Variants in UFSP2 observed in about 807,000 individuals in gnomAD.
The protein encoded by UFSP2 is ufm1-specific protease 2.
In UFSP2, 43 loss-of-function variants were observed where a neutral mutation model predicts 60.2. The observed-to-expected ratio is 0.71, with a 90% CI of 0.56 to 0.92. UFSP2 has a LOEUF of 0.92. Among genes scored for constraint, UFSP2 ranks in the 40% least tolerant of loss-of-function variants. The pLI is 0.00. For synonymous variants in UFSP2, 183 were observed against 195.1 expected (o/e 0.94, Z 0.52); for missense variants, 520 against 575.0 (o/e 0.90, Z 0.98).
At chr4:185,412,973 A>G (rs1423042608) in intron 7 of UFSP2, among the ~76,000 whole-genome samples, 1 of 152,138 alleles carries the variant, frequency 6.6e-6, no homozygotes, top group Non-Finnish European at 1.5e-5. Context: ...GCAACCGGGT[A>G]TATGTTACAT....
intron 11 of UFSP2, among the ~76,000 whole-genome samples, chr4:185,402,909 C>T (rs1276020118): frequency 6.6e-6 from 1 of 152,176 alleles, no homozygotes; most frequent in Non-Finnish European, 1.5e-5. Flanking sequence ...TTATGTTTTA[C>T]AATACTTTCT....
At chr4:185,410,175 A>G (rs533497720) in intron 7 of UFSP2, among the ~76,000 whole-genome samples, 20 of 152,340 alleles carry the variant, frequency 1.3e-4, no homozygotes, top group African/African-American at 4.8e-4. Context: ...AAAAAGAAAA[A>G]TAAATTCTGA....
intron 1 of UFSP2, among the ~76,000 whole-genome samples, chr4:185,424,121 G>A (rs2095554585): frequency 7.0e-6 from 1 of 142,638 alleles, no homozygotes; most frequent in African/African-American, 2.6e-5. Flanking sequence ...GGGCAACATA[G>A]GAAGACCCCC....
chr4:185,404,294 T>TG (rs2095517374), intron 10 of UFSP2, among the ~76,000 whole-genome samples: 5 of 5,664 alleles, frequency 8.8e-4, no homozygotes, highest in Admixed American at 3.1e-3. Flanking sequence ...ATTCATTAAG[T>TG]TTTTTTTTTT....
chr4:185,404,860 C>T (rs748747343), intron 10 of UFSP2, among the ~76,000 whole-genome samples: 19 of 152,164 alleles, frequency 1.2e-4, no homozygotes, highest in Non-Finnish European at 2.2e-4. Context: ...TGCTGGATTA[C>T]AGGCATGAGC....
chr4:185,409,535 A>G (rs533512667), intron 7 of UFSP2, among the ~76,000 whole-genome samples: 1 of 152,248 alleles, frequency 6.6e-6, no homozygotes, highest in African/African-American at 2.4e-5. Flanking sequence ...GGAGATAGGG[A>G]CAAGATAGAA....
At chr4:185,413,689 G>T in intron 7 of UFSP2, 37 bp downstream of exon 7, 1 of 1,575,324 alleles carries the variant, frequency 6.3e-7, no homozygotes, top group South Asian at 1.2e-5. Flanking sequence ...TAACATTACT[G>T]ATCCAGTGAC....
intron 6 of UFSP2, among the ~76,000 whole-genome samples, chr4:185,414,644 A>T (rs150364304): frequency 1.3e-5 from 2 of 152,146 alleles, no homozygotes; most frequent in Admixed American, 1.3e-4. Flanking sequence ...GCACTCCAAA[A>T]CCAGTCATGA....
intron 7 of UFSP2, among the ~76,000 whole-genome samples, chr4:185,410,694 C>T (rs775945247): frequency 6.6e-5 from 10 of 151,048 alleles, no homozygotes; most frequent in Admixed American, 1.3e-4. Flanking sequence ...CGCCTGTAAT[C>T]CCAGCACTTT....
rs541788618 is a variant in UFSP2 at position 185,403,950 on chromosome 4, G to A, written c.1199-332C>T. Among the ~76,000 whole-genome samples, 11 of 114,004 alleles carry A rather than the reference G, an allele frequency of 9.6e-5. 1 individual carries two copies. The South Asian group carries it at 1.6e-3, about 16-fold the overall frequency. The allele number at this position is 114,004 out of a possible 152,430, so 74.8% of individuals were successfully genotyped here. A position where few individuals can be genotyped will look rare whatever the true frequency, so the allele number is the denominator to read the frequency against. On this transcript the variant is annotated intron_variant, in intron 10 of 11. Transcript: ENST00000264689. The stretch of plus-strand genomic sequence containing the variant: ...CATGCCACCGCACTCCAGCCTGGGC[G>A]ACACAGCAAGACTCTCAAAAAAAAA...
intron 2 of UFSP2, among the ~76,000 whole-genome samples, chr4:185,421,315 TG>T (rs2095548967): frequency 6.6e-6 from 1 of 152,330 alleles, no homozygotes; most frequent in South Asian, 2.1e-4. Flanking sequence ...CAAGGAATGC[TG>T]GTATCTGATA....
In UFSP2 at chr4:185,422,553, T is replaced by C; in HGVS notation, c.14A>G (p.Glu5Gly). The change falls in exon 2 of 12, where the codon GAA becomes GGA. Residue 5 changes from glutamate (E) to glycine (G), a missense_variant. Glu to Gly is a moderately conservative substitution (Grantham distance 98). Transcript: ENST00000264689. The stretch of plus-strand genomic sequence containing the variant: ...TATTCTGAAGAGTATATCCATACTT[T>C]CTGAAATCACCTAGAACAAATAAAG... MVIS[E>G]SMDILFRIRG... is the part of the protein sequence containing the mutation. 1 of 1,606,508 alleles carries C rather than the reference T, an allele frequency of 6.2e-7. No homozygotes were observed. The highest frequency in any genetic ancestry group is 8.5e-7 in the Non-Finnish European group (1 of 1,177,720).
intron 9 of UFSP2, among the ~76,000 whole-genome samples, chr4:185,407,017 C>CTTTTTTTTTTTTTTTTTTTTTGTTTTT (rs34710879): frequency 2.0e-5 from 2 of 99,092 alleles, no homozygotes; most frequent in Non-Finnish European, 4.0e-5. Context: ...TTTGGCTTTT[C>CTTTTTTTTTTTTTTTTTTTTTGTTTTT]TTTTTTTTTT....
At chr4:185,412,037 G>A (rs542704713) in intron 7 of UFSP2, among the ~76,000 whole-genome samples, 35 of 152,272 alleles carry the variant, frequency 2.3e-4, no homozygotes, top group African/African-American at 8.2e-4. Context: ...AGGAGGCAGA[G>A]GAGTGGGTAG....
intron 4 of UFSP2, among the ~76,000 whole-genome samples, chr4:185,416,667 C>G (rs2153289599): frequency 6.6e-6 from 1 of 152,302 alleles, no homozygotes; most frequent in East Asian, 1.9e-4. Flanking sequence ...ATGACTGATT[C>G]TCCAGCTAGA....
chr4:185,414,814 C>T (rs780422422), intron 6 of UFSP2, among the ~76,000 whole-genome samples: 4 of 152,212 alleles, frequency 2.6e-5, no homozygotes, highest in South Asian at 4.1e-4. Flanking sequence ...TTTCACAAAT[C>T]GGAAAGTTAT....
chr4:185,417,935 T>A (rs1375042241), intron 4 of UFSP2, among the ~76,000 whole-genome samples: 1 of 151,680 alleles, frequency 6.6e-6, no homozygotes, highest in Non-Finnish European at 1.5e-5. Context: ...TCCCAGCTAC[T>A]CAGGAGGCCG....
In UFSP2 at chr4:185,425,958, G is replaced by C; in HGVS notation, c.-90C>G. 6.7e-7 allele frequency: 1 copy of C among 1,489,950 alleles called. No homozygotes were observed. Among genetic ancestry groups the C allele is most frequent in the Non-Finnish European group, 9.2e-7 (1 of 1,092,406 alleles). 92.3% of individuals were successfully genotyped at this position (1,489,950 alleles called of 1,614,324 possible). A position where few individuals can be genotyped will look rare whatever the true frequency, so the allele number is the denominator to read the frequency against. The stretch of plus-strand genomic sequence containing the variant: ...AGTGGTGTCACCGCACGGCCCAGGG[G>C]CGGGGCCCGGGCGGACCAACTACAA... On this transcript the variant is annotated 5_prime_UTR_variant, in exon 1 of 12. Transcript: ENST00000264689.
At chr4:185,406,973 G>A (rs1428405568) in intron 9 of UFSP2, among the ~76,000 whole-genome samples, 3 of 143,126 alleles carry the variant, frequency 2.1e-5, no homozygotes, top group African/African-American at 7.8e-5. Context: ...CGATGTTACT[G>A]TAATTAACAA....
Sources: allele counts gnomAD v4.1 joint callset (sites outside exome capture counted in the v4.1 genomes callset), GRCh38; gene constraint gnomAD v4.1.1; transcripts MANE v1.5; gene names NCBI Gene and HGNC (gene_info 2026-07-23, HGNC 2026-07-21).